The following FAM149A variants were observed in gnomAD, a reference collection of about 807,000 sequenced individuals.
The protein encoded by FAM149A is protein FAM149A.
In FAM149A, 71 loss-of-function variants were observed where a neutral mutation model predicts 78.2. The ratio of observed to expected loss-of-function variants is 0.91; its 90% confidence interval spans 0.75 to 1.11. The LOEUF (loss-of-function observed/expected upper bound fraction) is 1.11. Ranked by LOEUF, FAM149A falls within the 50% of genes least tolerant of loss-of-function variation. FAM149A has a pLI of 0.00. For missense variants in FAM149A, 1,036 were observed against 971.0 expected (o/e 1.07, Z -0.89); for synonymous variants, 446 against 410.5 (o/e 1.09, Z -1.04).
chr4:186,148,097 C>T (rs1561402700), intron 1 of FAM149A, among the ~76,000 whole-genome samples: 2 of 152,086 alleles, frequency 1.3e-5, no homozygotes, highest in African/African-American at 4.8e-5. Context: ...GAGGCCGAAG[C>T]GGGTAGATCA....
chr4:186,132,215 AAAGT>A (rs1313574459), intron 1 of FAM149A: 2 of 985,320 alleles, frequency 2.0e-6, no homozygotes, highest in Admixed American at 6.1e-5. Flanking sequence ...CTATATCTGA[AAAGT>A]AAGCCATCAG....
intron 1 of FAM149A, chr4:186,130,263 A>ATATCTCTCTCTCTCTCTCTC (rs1554068048): frequency 1.5e-5 from 1 of 67,098 alleles, no homozygotes; most frequent in Non-Finnish European, 2.8e-5. Context: ...ACTTTATGAA[A>ATATCTCTCTCTCTCTCTCTC]TCTCTCTCTC....
At chr4:186,167,397 G>A in intron 13 of FAM149A, 135 bp downstream of exon 13, 1 of 857,216 alleles carries the variant, frequency 1.2e-6, no homozygotes, top group Non-Finnish European at 2.0e-6. Context: ...TGGGGCCTGT[G>A]GCCTGACCTC....
chr4:186,171,558 T>A (rs1035864393), intron 13 of FAM149A, among the ~76,000 whole-genome samples: 5 of 151,972 alleles, frequency 3.3e-5, no homozygotes, highest in African/African-American at 9.7e-5. Context: ...GTGGGAAGGA[T>A]CCCTTAAAGT....
At chr4:186,157,976 C>T in intron 8 of FAM149A, 2 of 1,506,986 alleles carry the variant, frequency 1.3e-6, no homozygotes, top group South Asian at 1.2e-5. Flanking sequence ...ACGCAGGCGG[C>T]ACCACCCTTG....
chr4:186,126,420 G>A (rs1236958874), intron 1 of FAM149A, among the ~76,000 whole-genome samples: 1 of 152,200 alleles, frequency 6.6e-6, no homozygotes, highest in Non-Finnish European at 1.5e-5. Context: ...CTCCAGAAGA[G>A]ATTAACATTT....
chr4:186,124,528 C>G (rs1233182671), intron 1 of FAM149A, among the ~76,000 whole-genome samples: 3 of 151,352 alleles, frequency 2.0e-5, no homozygotes, highest in Non-Finnish European at 4.4e-5. Context: ...GGTTTCTGTC[C>G]TTGTGACAGT....
At chr4:186,109,730 T>C in intron 1 of FAM149A, 1 of 979,048 alleles carries the variant, frequency 1.0e-6, no homozygotes, top group Non-Finnish European at 1.2e-6. Context: ...AGCCATGTTT[T>C]ATTGAAAGAA....
intron 1 of FAM149A, among the ~76,000 whole-genome samples, chr4:186,111,161 T>C (rs1330079231): frequency 2.0e-5 from 3 of 148,386 alleles, no homozygotes; most frequent in Non-Finnish European, 4.5e-5. Context: ...ATGAGCATTT[T>C]TTCATGTGTT....
chr4:186,150,009 G>C (rs1000124193), intron 3 of FAM149A, among the ~76,000 whole-genome samples: 1 of 152,174 alleles, frequency 6.6e-6, no homozygotes, highest in African/African-American at 2.4e-5. Flanking sequence ...ATCCATGGCC[G>C]GAAATTCAGG....
Position 186,117,691 on chromosome 4 carries a change from C to G in FAM149A, c.566+12049C>G, listed in dbSNP as rs777155525. The G allele has an allele frequency of 5.2e-4, 508 of 976,422 alleles. 1 individual carries two copies. Among genetic ancestry groups the G allele is most frequent in the Admixed American group, 6.8e-4 (11 of 16,256 alleles). The allele number at this position is 976,422 out of a possible 1,614,324, so 60.5% of individuals were successfully genotyped here. A position where few individuals can be genotyped will look rare whatever the true frequency, so the allele number is the denominator to read the frequency against. On this transcript the variant is annotated intron_variant, in intron 1 of 13. Coordinates refer to ENST00000389354, the MANE Select transcript of FAM149A (RefSeq NM_001367768.3). ...CTAGGGAGAGCCTGGATACTGGGCT[C>G]TCTTTAGTAAACACTGGAAAAGCCA... is the stretch of plus-strand genomic sequence containing the variant.
At chr4:186,126,137 A>G in intron 1 of FAM149A, 1 of 978,908 alleles carries the variant, frequency 1.0e-6, no homozygotes. Flanking sequence ...TTAGTATCAT[A>G]TCACTTGCCC....
chr4:186,163,066 A>T (rs1200219474), intron 9 of FAM149A, 118 bp downstream of exon 9: 1 of 687,276 alleles, frequency 1.5e-6, no homozygotes, highest in African/African-American at 1.8e-5. Flanking sequence ...CGTGCTTCAG[A>T]TGTGCCTGAG....
intron 13 of FAM149A, chr4:186,169,717 C>T (rs545959291): frequency 2.1e-5 from 21 of 985,316 alleles, no homozygotes; most frequent in Middle Eastern, 5.2e-4. Flanking sequence ...GAGCTGGTAT[C>T]GGGGGACTGC....
rs199974803 is a variant in FAM149A at position 186,167,268 on chromosome 4, C to T, written c.2218+6C>T. 6.2e-7 allele frequency: 1 copy of T among 1,609,442 alleles called. No individual in the cohort carries two copies. Among genetic ancestry groups the T allele is most frequent in the Admixed American group, 1.7e-5 (1 of 60,006 alleles). ...AGGTCAAAGTATTTTGACAGGTCAG[C>T]TTTTCTCCATATGTAAATAAAGTGA... On this transcript the variant is annotated splice_donor_region_variant and intron_variant, in intron 13 of 13. Coordinates refer to ENST00000389354, the MANE Select transcript of FAM149A (RefSeq NM_001367768.3).
At chr4:186,128,967 G>A (rs547637086) in intron 1 of FAM149A, among the ~76,000 whole-genome samples, 17 of 151,718 alleles carry the variant, frequency 1.1e-4, no homozygotes, top group Non-Finnish European at 2.1e-4. Flanking sequence ...CTGTGTATGT[G>A]TGTCTTTTTT....
At chr4:186,143,262 G>A (rs1222219890) in intron 1 of FAM149A, among the ~76,000 whole-genome samples, 1 of 146,012 alleles carries the variant, frequency 6.8e-6, no homozygotes, top group East Asian at 2.1e-4. Context: ...AAAACACTGC[G>A]GTTACAGGTG....
chr4:186,138,112 T>C (rs898151694), intron 1 of FAM149A, among the ~76,000 whole-genome samples: 3 of 152,222 alleles, frequency 2.0e-5, no homozygotes, highest in African/African-American at 7.2e-5. Context: ...ATTATTCTGG[T>C]ACATGTGTCA....
At position 186,105,263 on chromosome 4, in the gene FAM149A, C is replaced by T. The variant is rs756367637; in HGVS notation, c.187C>T (p.Pro63Ser). The T allele has an allele frequency of 4.2e-6, 5 of 1,204,674 alleles. No homozygotes were observed. The highest frequency in any genetic ancestry group is 5.2e-6 in the Non-Finnish European group (5 of 954,710). The allele number at this position is 1,204,674 out of a possible 1,614,324, so 74.6% of individuals were successfully genotyped here. ...CCTCCGCGCCCTGGCTCCGGACTCC[C>T]CCTCCGCCTCGCGGCGGTCGCCCGC... The change falls in exon 1 of 14, where the codon CCC becomes TCC. Residue 63 changes from proline to serine, a missense_variant. Around this residue, in one of 3 missense-constraint regions of FAM149A, gnomAD observed 316 missense variants for 241.9 expected, o/e 1.31. Coordinates refer to ENST00000389354, the MANE Select transcript of FAM149A (RefSeq NM_001367768.3).
Sources: allele counts gnomAD v4.1 joint callset (sites outside exome capture counted in the v4.1 genomes callset), GRCh38; gene constraint gnomAD v4.1.1; regional missense constraint gnomAD v4.1.1; transcripts MANE v1.5; gene names NCBI Gene and HGNC (gene_info 2026-07-23, HGNC 2026-07-21).